CDH12: variants seen among roughly 807,000 people sequenced by gnomAD.
CDH12 encodes cadherin 12, also known as cadherin-12.
Under a neutral mutation model 74.1 loss-of-function variants are expected in CDH12, and 41 were observed. The ratio of observed to expected loss-of-function variants is 0.55; its 90% CI spans 0.43 to 0.72. The LOEUF (loss-of-function observed/expected upper bound fraction) is 0.72. Ranked by LOEUF, CDH12 falls within the 30% of genes least tolerant of loss-of-function variation. The pLI is 0.00. For synonymous variants in CDH12, 399 were observed against 355.0 expected, an observed-to-expected ratio of 1.12 and a Z score of -1.39; for missense variants, 945 against 977.2, an observed-to-expected ratio of 0.97 and a Z score of 0.44.
rs542705488 is a variant in CDH12, at chr5:22,625,343, GA to G, written c.-522-119980del. 1.7e-3 allele frequency among the ~76,000 whole-genome samples: 259 copies of G among 151,752 alleles called. 1 individual carries two copies. The highest frequency in any genetic ancestry group is 5.9e-3 in the African/African-American group (245 of 41,430). ...AATAAATAAATAAGTTCAATGATAG[GA>G]AAAAAAAGAAAGAGGCAAGTTGAAC... On this transcript the variant is annotated intron_variant, in intron 1 of 14. Coordinates refer to ENST00000382254, the MANE Select transcript of CDH12 (RefSeq NM_004061.5).
chr5:21,830,734 T>C (rs1177958994), intron 8 of CDH12, among the ~76,000 whole-genome samples: 2 of 152,020 alleles, frequency 1.3e-5, no homozygotes, highest in African/African-American at 4.8e-5. Flanking sequence ...AATCACTTTA[T>C]AAGCTTAAAA....
chr5:22,288,105 C>T (rs1737234369), intron 3 of CDH12, among the ~76,000 whole-genome samples: 1 of 152,114 alleles, frequency 6.6e-6, no homozygotes, highest in Non-Finnish European at 1.5e-5. Context: ...GATGAGACCA[C>T]CTTCTTGGAT....
chr5:22,787,033 A>G (rs1339579713), intron 1 of CDH12, among the ~76,000 whole-genome samples: 2 of 151,968 alleles, frequency 1.3e-5, no homozygotes, highest in African/African-American at 2.4e-5. Context: ...ACTGTGAGCT[A>G]TATTTTATTA....
intron 3 of CDH12, among the ~76,000 whole-genome samples, chr5:22,365,353 C>T (rs1257542958): frequency 1.3e-5 from 2 of 152,094 alleles, no homozygotes; most frequent in African/African-American, 2.4e-5. Context: ...TTTTCAATAA[C>T]GCACTTGGTT....
chr5:21,980,458 T>G (rs2150126804), intron 5 of CDH12, among the ~76,000 whole-genome samples: 1 of 152,212 alleles, frequency 6.6e-6, no homozygotes, highest in African/African-American at 2.4e-5. Context: ...TAATATTCTC[T>G]TTGCTTATGG....
chr5:22,554,463 G>A (rs1056224501), intron 1 of CDH12, among the ~76,000 whole-genome samples: 10 of 152,038 alleles, frequency 6.6e-5, no homozygotes, highest in African/African-American at 2.2e-4. Context: ...TGAACTTAAA[G>A]CTGCTCTAAA....
intron 2 of CDH12, among the ~76,000 whole-genome samples, chr5:22,414,928 T>A (rs1317154581): frequency 6.6e-6 from 1 of 152,082 alleles, no homozygotes; most frequent in African/African-American, 2.4e-5. Context: ...AAAAGTCAAA[T>A]GAAGGCTGCT....
At chr5:21,976,533 T>A (rs1304738835) in intron 5 of CDH12, among the ~76,000 whole-genome samples, 3 of 150,360 alleles carry the variant, frequency 2.0e-5, no homozygotes, top group African/African-American at 4.9e-5. Flanking sequence ...TTCTTATACA[T>A]AATTATATAT....
At chr5:22,046,043 G>T (rs1358149460) in intron 5 of CDH12, among the ~76,000 whole-genome samples, 1 of 152,022 alleles carries the variant, frequency 6.6e-6, no homozygotes. Flanking sequence ...ATAAAACTTA[G>T]AAGTAGCATT....
At chr5:22,658,329 C>T (rs1323296012) in intron 1 of CDH12, among the ~76,000 whole-genome samples, 6 of 151,982 alleles carry the variant, frequency 3.9e-5, no homozygotes, top group South Asian at 2.1e-4. Context: ...GTGTTTTGAA[C>T]GACTGTGATA....
At chr5:22,535,378 G>C (rs373440817) in intron 1 of CDH12, among the ~76,000 whole-genome samples, 16 of 151,750 alleles carry the variant, frequency 1.1e-4, no homozygotes, top group Non-Finnish European at 1.9e-4. Context: ...GGATGGTCTC[G>C]ATCTCCTGAC....
intron 2 of CDH12, among the ~76,000 whole-genome samples, chr5:22,450,652 C>A (rs187972447): frequency 5.0e-4 from 76 of 151,960 alleles, no homozygotes; most frequent in African/African-American, 1.7e-3. Context: ...TATTGCCCAG[C>A]AGAACAAATA....
At chr5:21,860,086 GTCA>G (rs1400169601) in intron 6 of CDH12, among the ~76,000 whole-genome samples, 1 of 151,932 alleles carries the variant, frequency 6.6e-6, no homozygotes, top group East Asian at 1.9e-4. Flanking sequence ...GTAGAAGAAG[GTCA>G]TCATCTATAC....
chr5:22,066,253 C>T (rs1402893000), intron 5 of CDH12, among the ~76,000 whole-genome samples: 1 of 152,010 alleles, frequency 6.6e-6, no homozygotes, highest in Non-Finnish European at 1.5e-5. Context: ...GATTTTGGTG[C>T]ACTCATTACC....
At chr5:22,170,683 A>G (rs1366511287) in intron 4 of CDH12, among the ~76,000 whole-genome samples, 1 of 151,704 alleles carries the variant, frequency 6.6e-6, no homozygotes, top group Non-Finnish European at 1.5e-5. Context: ...TCACGTTTCT[A>G]TGTCAAAGTA....
intron 2 of CDH12, among the ~76,000 whole-genome samples, chr5:22,500,587 T>A (rs1200950196): frequency 1.3e-5 from 2 of 152,146 alleles, no homozygotes; most frequent in Non-Finnish European, 2.9e-5. Context: ...ACTTTAAAAT[T>A]ATGTTCTGTT....
intron 3 of CDH12, among the ~76,000 whole-genome samples, chr5:22,276,383 C>T (rs993187647): frequency 7.9e-5 from 12 of 152,200 alleles, no homozygotes; most frequent in African/African-American, 1.7e-4. Context: ...CCATAAGATA[C>T]GTGTTTCAAG....
At chr5:22,637,521 CA>C (rs1197871024) in intron 1 of CDH12, among the ~76,000 whole-genome samples, 4 of 152,346 alleles carry the variant, frequency 2.6e-5, no homozygotes, top group Admixed American at 2.6e-4. Context: ...AAGCACAGGA[CA>C]AAAGTACTCC....
intron 1 of CDH12, among the ~76,000 whole-genome samples, chr5:22,652,589 A>C (rs903294005): frequency 7.2e-5 from 11 of 152,198 alleles, no homozygotes; most frequent in African/African-American, 2.7e-4. Context: ...TGCATTGAAG[A>C]ATGCAGTTAC....
Sources: gnomAD v4.1 joint callset for allele counts (sites outside exome capture counted in the v4.1 genomes callset) on GRCh38, gnomAD v4.1.1 for gene constraint, MANE v1.5 for transcripts, NCBI Gene and HGNC (gene_info 2026-07-23, HGNC 2026-07-21) for gene names.